Variants in ACSL5 observed in about 807,000 individuals in gnomAD.
ACSL5 encodes acyl-CoA synthetase long chain family member 5, also known as long-chain-fatty-acid--CoA ligase 5.
Under a neutral mutation model 84.9 loss-of-function variants are expected in ACSL5, and 50 were observed. The ratio of observed to expected loss-of-function variants is 0.59; its 90% CI spans 0.47 to 0.75. ACSL5 has a LOEUF of 0.75. ACSL5 is among the 30% of genes least tolerant of loss of function. The pLI, the probability that ACSL5 is intolerant of heterozygous loss-of-function variation, is 0.00. For synonymous variants in ACSL5, 280 were observed against 300.7 expected, an observed-to-expected ratio of 0.93 and a Z score of 0.71; for missense variants, 775 against 830.4, an observed-to-expected ratio of 0.93 and a Z score of 0.82.
intron 2 of ACSL5, 55 bp downstream of exon 2, chr10:112,395,157 A>G (rs1772779561): frequency 9.1e-6 from 14 of 1,544,832 alleles, no homozygotes; most frequent in Non-Finnish European, 1.1e-5. Context: ...TCAAACTGTA[A>G]CTCCAAACCT....
chr10:112,388,882 C>T (rs1014729736), intron 1 of ACSL5, among the ~76,000 whole-genome samples: 5 of 152,154 alleles, frequency 3.3e-5, no homozygotes, highest in African/African-American at 1.2e-4. Flanking sequence ...GGAAATGTTC[C>T]AGGCAAAGAG....
intron 16 of ACSL5, 87 bp from the exon 17 acceptor site, chr10:112,422,238 T>C: frequency 3.3e-6 from 4 of 1,202,326 alleles, no homozygotes; most frequent in Non-Finnish European, 4.8e-6. Flanking sequence ...CATCAAATGA[T>C]TTAAGGGGAG....
Position 112,376,151 on chromosome 10 carries a change from C to T in ACSL5, c.-30+1882C>T, listed in dbSNP as rs374177889. 6.8e-6 allele frequency: 7 copies of T among 1,023,906 alleles called. No homozygotes were observed. The East Asian group carries it at 7.5e-5, about 11-fold the overall frequency. The allele number at this position is 1,023,906 out of a possible 1,614,324, so 63.4% of individuals were successfully genotyped here. A position where few individuals can be genotyped will look rare whatever the true frequency, so the allele number is the denominator to read the frequency against. On this transcript the variant is annotated intron_variant, in intron 1 of 20. Transcript: ENST00000354655. ...AGCCAGGGTAGCTTTGGCAGCTTCT[C>T]CCCTCCTGGTCAGAACACTTCCACT... is the stretch of plus-strand genomic sequence containing the variant.
chr10:112,386,259 T>A (rs1183488742), intron 1 of ACSL5, among the ~76,000 whole-genome samples: 1 of 133,382 alleles, frequency 7.5e-6, no homozygotes, highest in East Asian at 2.5e-4. Context: ...AGTGGTGCAA[T>A]CTCGGCTCAC....
intron 1 of ACSL5, 76 bp from the exon 2 acceptor site, chr10:112,394,842 C>T: frequency 6.4e-7 from 1 of 1,563,030 alleles, no homozygotes; most frequent in Non-Finnish European, 8.7e-7. Flanking sequence ...GTGTGTCCTT[C>T]TGAAAACATA....
At chr10:112,419,486 G>C (rs1844404593) in intron 14 of ACSL5, 1 of 152,120 alleles carries the variant, frequency 6.6e-6, no homozygotes, top group African/African-American at 2.4e-5. Flanking sequence ...AAAGTGTTTT[G>C]AATTTTGCAT....
At chr10:112,381,558 C>T (rs752236828) in intron 1 of ACSL5, among the ~76,000 whole-genome samples, 1 of 151,650 alleles carries the variant, frequency 6.6e-6, no homozygotes, top group Non-Finnish European at 1.5e-5. Context: ...ATCCCAGCTA[C>T]TCGGGAGGCT....
intron 2 of ACSL5, 48 bp downstream of exon 2, chr10:112,395,150 A>G (rs1843719904): frequency 6.4e-7 from 1 of 1,570,756 alleles, no homozygotes; most frequent in Non-Finnish European, 8.7e-7. Context: ...CTCAAACTCA[A>G]ACTGTAACTC....
intron 3 of ACSL5, among the ~76,000 whole-genome samples, chr10:112,402,823 C>G (rs953293141): frequency 1.3e-5 from 2 of 152,124 alleles, no homozygotes; most frequent in Admixed American, 6.6e-5. Flanking sequence ...TTTTCCTGCC[C>G]TTCTACTTGT....
chr10:112,390,414 A>G (rs1272737841), intron 1 of ACSL5, among the ~76,000 whole-genome samples: 1 of 152,198 alleles, frequency 6.6e-6, no homozygotes, highest in Non-Finnish European at 1.5e-5. Flanking sequence ...AGAAATTGGA[A>G]CCCTCTTACA....
chr10:112,374,428 T>C (rs1490838576), intron 1 of ACSL5, among the ~76,000 whole-genome samples, 159 bp downstream of exon 1: 2 of 152,094 alleles, frequency 1.3e-5, no homozygotes, highest in Non-Finnish European at 2.9e-5. Flanking sequence ...TCAGCTGACT[T>C]GTGTGGGAGG....
intron 6 of ACSL5, 93 bp from the exon 7 acceptor site, chr10:112,409,414 C>G: frequency 8.5e-7 from 1 of 1,180,420 alleles, no homozygotes. Context: ...CACCTGTTAG[C>G]TTTGAAAACT....
Position 112,426,285 on chromosome 10 carries a change from G to A in ACSL5, c.1765G>A (p.Asp589Asn), listed in dbSNP as rs752305238. ...RSSLVGVVVP[D>N]TDVLPSFAAK... The stretch of plus-strand genomic sequence containing the variant: ...ATCCTTAGTAGGAGTGGTGGTTCCT[G>A]ACACAGATGTACTTCCCTCATTTGC... Residue 589 changes from aspartate to asparagine, a missense_variant, in exon 19 of 21, where the codon GAC (aspartate) becomes AAC (asparagine). By Grantham distance (23) the Asp-to-Asn change is conservative (BLOSUM62 1). Transcript: ENST00000354655. 1.9e-6 allele frequency: 3 copies of A among 1,614,104 alleles called. No individual in the cohort carries two copies. Among genetic ancestry groups the A allele is most frequent in the Non-Finnish European group, 2.5e-6 (3 of 1,179,994 alleles).
intron 9 of ACSL5, 139 bp from the exon 10 acceptor site, chr10:112,411,317 C>T: frequency 7.3e-6 from 5 of 688,316 alleles, no homozygotes; most frequent in Middle Eastern, 7.1e-4. Context: ...GAGGCATATA[C>T]CATCCACAAA....
In ACSL5 at chr10:112,420,367, G is replaced by T. The variant is rs75035920; in HGVS notation, c.1315-1226G>T. ...CACTGGCTAAAACTAGTCTGCAGCT[G>T]GTTTTTATTTTAAAAATATTATTCA... On this transcript the variant is annotated intron_variant, in intron 14 of 20. Transcript: ENST00000354655. Among the ~76,000 whole-genome samples, 1,185 of 152,146 alleles carry T rather than the reference G, an allele frequency of 7.8e-3. 11 individuals are homozygous for T. The highest frequency in any genetic ancestry group is 0.027 in the African/African-American group (1,133 of 41,498).
intron 5 of ACSL5, 147 bp from the exon 6 acceptor site, chr10:112,408,275 G>C (rs1844093548): frequency 1.8e-6 from 1 of 563,668 alleles, no homozygotes; most frequent in African/African-American, 1.9e-5. Flanking sequence ...CTCCAGCCTG[G>C]GCAGCAGAGT....
At chr10:112,423,554 A>G (rs1844560093) in intron 17 of ACSL5, among the ~76,000 whole-genome samples, 1 of 151,920 alleles carries the variant, frequency 6.6e-6, no homozygotes, top group Non-Finnish European at 1.5e-5. Context: ...ACCAAGATGT[A>G]GACCAGTTGA....
chr10:112,381,500 A>C (rs1430535777), intron 1 of ACSL5, among the ~76,000 whole-genome samples: 1 of 151,602 alleles, frequency 6.6e-6, no homozygotes, highest in African/African-American at 2.4e-5. Context: ...AACCCCCTCT[A>C]CTAAAAATAC....
In ACSL5 at chr10:112,386,181, C is replaced by CTTTTTT. The variant is rs11286757; in HGVS notation, c.-29-8712_-29-8707dup. On this transcript the variant is annotated intron_variant, in intron 1 of 20. Transcript: ENST00000354655. ...TGACCAATAGAAAACTCCTATAGCT[C>CTTTTTT]TTTTTTTTTTTTTTTTTTTTTTTTT... is the stretch of plus-strand genomic sequence containing the variant. 9.6e-4 allele frequency among the ~76,000 whole-genome samples: 69 copies of CTTTTTT among 71,832 alleles called. 7 individuals carry two copies. Among genetic ancestry groups the CTTTTTT allele is most frequent in the African/African-American group, 3.8e-3 (68 of 17,758 alleles). 47.1% of individuals were successfully genotyped at this position (71,832 alleles called of 152,430 possible). A position where few individuals can be genotyped will look rare whatever the true frequency, so the allele number is the denominator to read the frequency against.
Sources: allele counts gnomAD v4.1 joint callset (sites outside exome capture counted in the v4.1 genomes callset), GRCh38; gene constraint gnomAD v4.1.1; transcripts MANE v1.5; gene names NCBI Gene and HGNC (gene_info 2026-07-23, HGNC 2026-07-21).